The following NXPH1 variants were observed in gnomAD, a reference collection of about 807,000 sequenced individuals.
NXPH1 encodes the protein neurexophilin-1.
A neutral mutation model predicts 23.7 loss-of-function variants in NXPH1; 5 were observed. The observed-to-expected ratio is 0.21, with a 90% CI of 0.11 to 0.44. The LOEUF is 0.44. NXPH1 is among the 20% of genes least tolerant of loss of function. The probability of loss-of-function intolerance (pLI) is 0.99; values close to 1 mark genes in which losing one functional copy is unlikely to be tolerated. For synonymous variants in NXPH1, 144 were observed against 122.2 expected, an observed-to-expected ratio of 1.18 and a Z score of -1.18; for missense variants, 324 against 321.6, an observed-to-expected ratio of 1.01 and a Z score of -0.06.
At chr7:8,473,402 A>G (rs1816906557) in intron 2 of NXPH1, among the ~76,000 whole-genome samples, 1 of 152,124 alleles carries the variant, frequency 6.6e-6, no homozygotes, top group African/African-American at 2.4e-5. Flanking sequence ...ATTTGTTTGT[A>G]TTCTTGACAG....
chr7:8,659,444 C>T (rs1362493370), intron 2 of NXPH1, among the ~76,000 whole-genome samples: 1 of 152,036 alleles, frequency 6.6e-6, no homozygotes, highest in African/African-American at 2.4e-5. Context: ...TCTCTCAACT[C>T]GTCTGGAAAC....
intron 2 of NXPH1, among the ~76,000 whole-genome samples, chr7:8,711,214 A>G (rs1294757474): frequency 6.6e-6 from 1 of 152,080 alleles, no homozygotes. Flanking sequence ...TTACGGACAT[A>G]CTTATTTTTT....
chr7:8,735,925 A>T (rs913498413), intron 2 of NXPH1, among the ~76,000 whole-genome samples: 1 of 152,124 alleles, frequency 6.6e-6, no homozygotes, highest in African/African-American at 2.4e-5. Flanking sequence ...ATTTGCATAG[A>T]GTTGTTTATA....
intron 2 of NXPH1, among the ~76,000 whole-genome samples, chr7:8,572,964 G>T (rs533207063): frequency 6.6e-6 from 1 of 151,860 alleles, no homozygotes; most frequent in Non-Finnish European, 1.5e-5. Flanking sequence ...CTGATTAAAA[G>T]TAATACATGC....
At chr7:8,662,290 T>C (rs1443448698) in intron 2 of NXPH1, among the ~76,000 whole-genome samples, 2 of 152,146 alleles carry the variant, frequency 1.3e-5, no homozygotes, top group East Asian at 3.9e-4. Flanking sequence ...GTCATATAAA[T>C]TTGTAACTGG....
chr7:8,685,062 C>G lies in NXPH1; in HGVS notation c.55-65946C>G, dbSNP rs2115179633. Among the ~76,000 whole-genome samples, 2 of 152,210 alleles carry G rather than the reference C, an allele frequency of 1.3e-5. 1 individual carries two copies. Among genetic ancestry groups the G allele is most frequent in the South Asian group, 4.1e-4 (2 of 4,822 alleles). On this transcript the variant is annotated intron_variant, in intron 2 of 2. Coordinates refer to ENST00000405863, the MANE Select transcript of NXPH1 (RefSeq NM_152745.3). ...TAGACCTACTTTTCTTGTCCCTTCC[C>G]TCTCCTGCCAGTGGTCTTGGCTTCT...
chr7:8,517,768 A>G (rs1817709379), intron 2 of NXPH1, among the ~76,000 whole-genome samples: 1 of 152,162 alleles, frequency 6.6e-6, no homozygotes, highest in African/African-American at 2.4e-5. Context: ...TACTTGGGAC[A>G]TTTACAGAGG....
intron 2 of NXPH1, among the ~76,000 whole-genome samples, chr7:8,624,361 C>G (rs1216129257): frequency 6.6e-6 from 1 of 152,122 alleles, no homozygotes; most frequent in African/African-American, 2.4e-5. Flanking sequence ...GTTGTCCAGA[C>G]TCTGAGAAGA....
intron 2 of NXPH1, among the ~76,000 whole-genome samples, chr7:8,472,248 G>A (rs1816882503): frequency 6.6e-6 from 1 of 152,122 alleles, no homozygotes; most frequent in Non-Finnish European, 1.5e-5. Flanking sequence ...AGTCATTTAA[G>A]CCCTTGGGGA....
chr7:8,639,271 A>G (rs935542893), intron 2 of NXPH1, among the ~76,000 whole-genome samples: 1 of 152,212 alleles, frequency 6.6e-6, no homozygotes, highest in African/African-American at 2.4e-5. Context: ...TGGAAAAAAA[A>G]TAGTCTGATA....
chr7:8,705,883 G>A (rs1779697009), intron 2 of NXPH1, among the ~76,000 whole-genome samples: 1 of 152,054 alleles, frequency 6.6e-6, no homozygotes, highest in Non-Finnish European at 1.5e-5. Flanking sequence ...ATTTGGCTTT[G>A]GGGGACAACA....
In NXPH1 at chr7:8,640,681, G is replaced by T. The variant is rs150088227; in HGVS notation, c.55-110327G>T. On this transcript the variant is annotated intron_variant, in intron 2 of 2. Transcript: ENST00000405863. Reference sequence around the variant, plus strand: ...AAGTTCTATCAGAAATCCTGGTTGGGCATGGTAGCCACACCTGTAATGTTA... The same window carrying T: ...AAGTTCTATCAGAAATCCTGGTTGGTCATGGTAGCCACACCTGTAATGTTA... Among the ~76,000 whole-genome samples, 625 of 152,194 alleles carry T rather than the reference G, an allele frequency of 4.1e-3. 20 individuals are homozygous for T. The highest frequency in any genetic ancestry group is 0.03 in the Admixed American group (461 of 15,284).
chr7:8,729,178 T>C (rs1780107433), intron 2 of NXPH1, among the ~76,000 whole-genome samples: 2 of 151,504 alleles, frequency 1.3e-5, no homozygotes, highest in South Asian at 4.1e-4. Context: ...GTGGGATCGG[T>C]GGTGATATCC....
rs1189543171 is a variant in NXPH1 at position 8,751,995 on chromosome 7, C to G, written c.*226C>G. 9.9e-6 allele frequency: 5 copies of G among 507,550 alleles called. No individual in the cohort carries two copies. Among genetic ancestry groups the G allele is most frequent in the Non-Finnish European group, 3.5e-6 (1 of 282,722 alleles). The allele number at this position is 507,550 out of a possible 1,614,324, so 31.4% of individuals were successfully genotyped here. A position where few individuals can be genotyped will look rare whatever the true frequency, so the allele number is the denominator to read the frequency against. The stretch of plus-strand genomic sequence containing the variant: ...ATCATCACAGATTTTGAATTCACAC[C>G]TGAAGACATGCTCTCACATATAGAG... On this transcript the variant is annotated 3_prime_UTR_variant, in exon 3 of 3. Transcript: ENST00000405863. This position sits in a 1 kb window ranked among gnomAD's most constrained non-coding sequence, Gnocchi z 4.5.
chr7:8,727,347 T>A (rs1780074189), intron 2 of NXPH1, among the ~76,000 whole-genome samples: 1 of 139,416 alleles, frequency 7.2e-6, no homozygotes, highest in Admixed American at 7.1e-5. Context: ...TTTAATTAGA[T>A]CCCATTTGTC....
chr7:8,622,287 T>C (rs1819892707), intron 2 of NXPH1, among the ~76,000 whole-genome samples: 1 of 152,200 alleles, frequency 6.6e-6, no homozygotes, highest in Non-Finnish European at 1.5e-5. Context: ...AATGAGGATG[T>C]TGTTATTCCC....
intron 2 of NXPH1, among the ~76,000 whole-genome samples, chr7:8,515,158 A>G (rs1026847285): frequency 6.6e-6 from 1 of 152,164 alleles, no homozygotes; most frequent in Non-Finnish European, 1.5e-5. Context: ...GGAATTTCTA[A>G]TCTAGCTGGG....
intron 2 of NXPH1, among the ~76,000 whole-genome samples, chr7:8,567,801 C>T (rs1818571474): frequency 6.6e-6 from 1 of 151,762 alleles, no homozygotes; most frequent in South Asian, 2.1e-4. Context: ...TAAAGGAGAA[C>T]ATATGGTCTT....
intron 2 of NXPH1, among the ~76,000 whole-genome samples, chr7:8,685,905 A>G (rs1821139757): frequency 6.6e-6 from 1 of 152,178 alleles, no homozygotes; most frequent in African/African-American, 2.4e-5. Context: ...TGTACATTTT[A>G]AAACAAAGAG....
Sources: allele counts gnomAD v4.1 joint callset (sites outside exome capture counted in the v4.1 genomes callset), GRCh38; gene constraint gnomAD v4.1.1; non-coding constraint Gnocchi (gnomAD v3.1); transcripts MANE v1.5; gene names NCBI Gene and HGNC (gene_info 2026-07-23, HGNC 2026-07-21).